The following FGFR2 variants were observed in gnomAD, a reference collection of about 807,000 sequenced individuals.
The protein encoded by FGFR2 is BEK fibroblast growth factor receptor.
Under a neutral mutation model 95.9 loss-of-function variants are expected in FGFR2, and 19 were observed. That is an observed-to-expected ratio of 0.20 (90% CI 0.14 to 0.29). FGFR2 has a LOEUF of 0.29. Among genes scored for constraint, FGFR2 ranks in the 10% least tolerant of loss-of-function variants. The pLI, the probability that FGFR2 is intolerant of heterozygous loss-of-function variation, is 1.00. For synonymous variants in FGFR2, 392 were observed against 393.3 expected (o/e 1.00, Z 0.04); for missense variants, 707 against 1,056.9 (o/e 0.67, Z 4.59).
chr10:121,536,808 T>A (rs1305069606), intron 6 of FGFR2, among the ~76,000 whole-genome samples: 1 of 152,244 alleles, frequency 6.6e-6, no homozygotes, highest in Non-Finnish European at 1.5e-5. Context: ...GAATGATGTG[T>A]AGACCTATGC....
At chr10:121,521,752 T>A (rs78933513) in intron 6 of FGFR2, among the ~76,000 whole-genome samples, 1 of 151,978 alleles carries the variant, frequency 6.6e-6, no homozygotes, top group African/African-American at 2.4e-5. Flanking sequence ...GAAAACAATA[T>A]GGAGGTTCCT....
chr10:121,577,028 G>C (rs1371822141), intron 2 of FGFR2, among the ~76,000 whole-genome samples: 2 of 148,126 alleles, frequency 1.4e-5, no homozygotes. Flanking sequence ...CCAGCTACTC[G>C]GGAGGCTGAG....
intron 2 of FGFR2, among the ~76,000 whole-genome samples, chr10:121,582,838 A>G (rs1861157920): frequency 6.6e-6 from 1 of 151,878 alleles, no homozygotes; most frequent in Admixed American, 6.6e-5. Flanking sequence ...CCAAAACTCA[A>G]CTCCCACTTG....
At chr10:121,504,920 G>A (rs1848084429) in intron 9 of FGFR2, among the ~76,000 whole-genome samples, 1 of 152,170 alleles carries the variant, frequency 6.6e-6, no homozygotes, top group Admixed American at 6.5e-5. Flanking sequence ...CTTGAACACT[G>A]TCTTATTCTA....
chr10:121,577,178 T>TATAGAGAGAGAGAGAGAGAGAGAG, intron 2 of FGFR2, among the ~76,000 whole-genome samples: 1 of 5,212 alleles, frequency 1.9e-4, no homozygotes, highest in African/African-American at 7.8e-4. Flanking sequence ...TATATATATA[T>TATAGAGAGAGAGAGAGAGAGAGAG]AGAGAGAGAG....
chr10:121,491,211 A>G (rs1846085619), intron 13 of FGFR2, among the ~76,000 whole-genome samples: 1 of 152,108 alleles, frequency 6.6e-6, no homozygotes, highest in African/African-American at 2.4e-5. Context: ...TAGCGTGGCC[A>G]TCCCTCATCC....
intron 4 of FGFR2, among the ~76,000 whole-genome samples, chr10:121,553,432 A>G (rs1801551733): frequency 6.6e-6 from 1 of 152,206 alleles, no homozygotes. Context: ...AGGGCCTGGC[A>G]TATACTGAAA....
At chr10:121,524,929 C>A (rs1224325582) in intron 6 of FGFR2, among the ~76,000 whole-genome samples, 2 of 152,286 alleles carry the variant, frequency 1.3e-5, no homozygotes, top group South Asian at 4.1e-4. Flanking sequence ...TATCTCTGGG[C>A]GAGAGACTAA....
chr10:121,508,094 A>T (rs1196909296), intron 9 of FGFR2, among the ~76,000 whole-genome samples: 1 of 152,236 alleles, frequency 6.6e-6, no homozygotes, highest in Non-Finnish European at 1.5e-5. Context: ...CACCATTTTA[A>T]ATAAAGGTCT....
chr10:121,559,004 C>T (rs1415224639), intron 4 of FGFR2, among the ~76,000 whole-genome samples: 1 of 145,480 alleles, frequency 6.9e-6, no homozygotes, highest in African/African-American at 2.5e-5. Context: ...TGTTAACCAA[C>T]AAAATTAGAT....
At chr10:121,539,273 T>C (rs1853336969) in intron 5 of FGFR2, among the ~76,000 whole-genome samples, 1 of 152,240 alleles carries the variant, frequency 6.6e-6, no homozygotes, top group South Asian at 2.1e-4. Context: ...GGAACATCAG[T>C]CTGCCCTTCC....
At position 121,598,172 on chromosome 10, in the gene FGFR2, T is replaced by G. The variant is rs1445663348; in HGVS notation, c.-361A>C. ...ATGACGCCCGCGGGCTGCCCTCGGA[T>G]TTGGGGAACGAGAGGAAGAAAGGAC... On this transcript the variant is annotated 5_prime_UTR_variant, in exon 1 of 18. Transcript: ENST00000358487. 4 of 397,768 alleles carry G rather than the reference T, an allele frequency of 1.0e-5. No individual in the cohort carries two copies. Among genetic ancestry groups the G allele is most frequent in the Non-Finnish European group, 1.8e-5 (4 of 225,688 alleles). 24.6% of individuals were successfully genotyped at this position (397,768 alleles called of 1,614,324 possible).
chr10:121,540,342 G>A (rs1041007913), intron 5 of FGFR2, among the ~76,000 whole-genome samples: 1 of 152,170 alleles, frequency 6.6e-6, no homozygotes, highest in Non-Finnish European at 1.5e-5. Context: ...CTCGCTTTCT[G>A]CTCTTGGTTG....
chr10:121,495,455 G>A (rs1347473251), intron 13 of FGFR2, among the ~76,000 whole-genome samples: 1 of 152,184 alleles, frequency 6.6e-6, no homozygotes, highest in South Asian at 2.1e-4. Flanking sequence ...CTGAACCCAG[G>A]AGGTCAAGGC....
chr10:121,576,183 G>A (rs771527824), intron 2 of FGFR2, among the ~76,000 whole-genome samples: 115 of 152,102 alleles, frequency 7.6e-4, no homozygotes, highest in Non-Finnish European at 1.3e-3. Context: ...GCGAAACTCC[G>A]TCTCAAAAAA....
intron 4 of FGFR2, among the ~76,000 whole-genome samples, chr10:121,562,597 T>C (rs1460367288): frequency 1.3e-5 from 2 of 152,194 alleles, no homozygotes; most frequent in African/African-American, 4.8e-5. Context: ...AGATATCTTT[T>C]AGTAGGTAAA....
At chr10:121,482,040 T>C (rs776876500) in intron 17 of FGFR2, 7 of 702,122 alleles carry the variant, frequency 1.0e-5, no homozygotes, top group South Asian at 1.6e-5. Flanking sequence ...GGTTTCACCA[T>C]GTTGGCCAGG....
chr10:121,586,189 C>A (rs1056360583), intron 2 of FGFR2, among the ~76,000 whole-genome samples: 1 of 152,050 alleles, frequency 6.6e-6, no homozygotes, highest in Non-Finnish European at 1.5e-5. Context: ...CTCAAGGGTT[C>A]GAAAATAATC....
At chr10:121,543,682 G>C (rs192252914) in intron 5 of FGFR2, among the ~76,000 whole-genome samples, 55 of 152,280 alleles carry the variant, frequency 3.6e-4, no homozygotes, top group African/African-American at 1.3e-3. Flanking sequence ...ATGCAGATGT[G>C]GAGGCAAACA....
Sources: allele counts gnomAD v4.1 joint callset (sites outside exome capture counted in the v4.1 genomes callset), GRCh38; gene constraint gnomAD v4.1.1; transcripts MANE v1.5; gene names NCBI Gene and HGNC (gene_info 2026-07-23, HGNC 2026-07-21).